Variants in PPP2R2B observed in about 807,000 individuals in gnomAD.
PPP2R2B encodes the protein serine/threonine-protein phosphatase 2A 55 kDa regulatory subunit B beta isoform.
A neutral mutation model predicts 46.0 loss-of-function variants in PPP2R2B; 5 were observed. That is an observed-to-expected ratio of 0.11 (90% confidence interval 0.06 to 0.23). The LOEUF (loss-of-function observed/expected upper bound fraction) is 0.23, where lower values mean the gene tolerates loss of function less well. Ranked by LOEUF, PPP2R2B falls within the 10% of genes least tolerant of loss-of-function variation. PPP2R2B has a pLI of 1.00. For synonymous variants in PPP2R2B, 215 were observed against 206.7 expected (o/e 1.04, Z -0.34); for missense variants, 367 against 575.0 (o/e 0.64, Z 3.70).
At chr5:146,916,872 G>A (rs987349360) in intron 1 of PPP2R2B, among the ~76,000 whole-genome samples, 65 of 152,232 alleles carry the variant, frequency 4.3e-4, no homozygotes, top group African/African-American at 1.6e-3. Flanking sequence ...ATATAGCTCT[G>A]CCTCTTAATA....
intron 2 of PPP2R2B, among the ~76,000 whole-genome samples, chr5:146,876,199 G>C (rs1761888514): frequency 6.6e-6 from 1 of 152,066 alleles, no homozygotes; most frequent in African/African-American, 2.4e-5. Flanking sequence ...TGTGAACCTA[G>C]ATATTCTATC....
At position 146,816,679 on chromosome 5, in the gene PPP2R2B, A is replaced by C. The variant is rs147747404; in HGVS notation, c.70+61323T>G. Among the ~76,000 whole-genome samples the C allele has an allele frequency of 1.0e-3, 157 of 152,312 alleles. No individual in the cohort carries two copies. In the East Asian group the frequency reaches 0.016, roughly 16 times the overall value. Reference sequence around the variant, plus strand: ...TACTTCAATAATCAAATAAAAACACAGGTTTTTTATTAAACATGATTTCAG... The same window carrying C: ...TACTTCAATAATCAAATAAAAACACCGGTTTTTTATTAAACATGATTTCAG... On this transcript the variant is annotated intron_variant, in intron 2 of 9. Coordinates refer to ENST00000394411, the MANE Select transcript of PPP2R2B (RefSeq NM_181675.4).
At chr5:146,794,215 T>C (rs772592961) in intron 2 of PPP2R2B, among the ~76,000 whole-genome samples, 1 of 152,224 alleles carries the variant, frequency 6.6e-6, no homozygotes, top group Non-Finnish European at 1.5e-5. Context: ...TGATACTCTT[T>C]ATGAAGGTCT....
chr5:146,660,673 C>T (rs1459903489), intron 5 of PPP2R2B, among the ~76,000 whole-genome samples: 1 of 152,170 alleles, frequency 6.6e-6, no homozygotes, highest in Non-Finnish European at 1.5e-5. Flanking sequence ...CTTCAACAGC[C>T]TCAATATGTC....
chr5:146,932,804 A>T (rs1204997686), intron 1 of PPP2R2B, among the ~76,000 whole-genome samples: 2 of 152,276 alleles, frequency 1.3e-5, no homozygotes, highest in Non-Finnish European at 2.9e-5. Context: ...AAACAAGGTC[A>T]AAGAGCAGTG....
intron 5 of PPP2R2B, among the ~76,000 whole-genome samples, chr5:146,655,104 A>G (rs1776236121): frequency 6.6e-6 from 1 of 152,078 alleles, no homozygotes; most frequent in African/African-American, 2.4e-5. Context: ...GAATTCAGTG[A>G]TGTCCCCCGA....
chr5:146,973,899 A>G (rs1177513353), intron 1 of PPP2R2B, among the ~76,000 whole-genome samples: 1 of 152,226 alleles, frequency 6.6e-6, no homozygotes, highest in Admixed American at 6.5e-5. Flanking sequence ...TGAGAAGACA[A>G]TATTTGCAAA....
chr5:147,001,653 G>A (rs1052537680), intron 1 of PPP2R2B, among the ~76,000 whole-genome samples: 6 of 152,132 alleles, frequency 3.9e-5, no homozygotes, highest in African/African-American at 7.2e-5. Flanking sequence ...AGGGACCATC[G>A]CCTATCGCCA....
At chr5:146,653,064 A>G (rs1475050300) in intron 5 of PPP2R2B, among the ~76,000 whole-genome samples, 1 of 152,178 alleles carries the variant, frequency 6.6e-6, no homozygotes, top group East Asian at 1.9e-4. Context: ...CTTCATACAT[A>G]ATCTCAGGTA....
At chr5:146,992,210 A>G (rs1473973291) in intron 1 of PPP2R2B, among the ~76,000 whole-genome samples, 3 of 152,210 alleles carry the variant, frequency 2.0e-5, no homozygotes, top group Non-Finnish European at 2.9e-5. Flanking sequence ...AAATGAACAT[A>G]TTCATGTATA....
chr5:146,795,197 C>T (rs761294936), intron 2 of PPP2R2B, among the ~76,000 whole-genome samples: 3 of 151,930 alleles, frequency 2.0e-5, no homozygotes, highest in Non-Finnish European at 2.9e-5. Context: ...GACTATATAT[C>T]CAAAGGAAAT....
intron 2 of PPP2R2B, among the ~76,000 whole-genome samples, chr5:146,793,588 G>C (rs1452163428): frequency 6.6e-6 from 1 of 152,110 alleles, no homozygotes; most frequent in Non-Finnish European, 1.5e-5. Context: ...TCACACAACA[G>C]CTTGGCCAAG....
intron 2 of PPP2R2B, among the ~76,000 whole-genome samples, chr5:146,851,628 A>G (rs946931558): frequency 2.6e-5 from 4 of 152,070 alleles, no homozygotes; most frequent in African/African-American, 9.7e-5. Flanking sequence ...ATGGTTTCCT[A>G]TAAGAATTTA....
At chr5:146,802,755 G>A (rs900087901) in intron 2 of PPP2R2B, among the ~76,000 whole-genome samples, 8 of 152,148 alleles carry the variant, frequency 5.3e-5, no homozygotes, top group Non-Finnish European at 8.8e-5. Flanking sequence ...GATGGGATAA[G>A]TATATAGTGA....
chr5:146,641,747 T>C (rs1423011538), intron 6 of PPP2R2B, among the ~76,000 whole-genome samples: 1 of 152,198 alleles, frequency 6.6e-6, no homozygotes, highest in African/African-American at 2.4e-5. Context: ...TTTCAGCATA[T>C]GTAATTTTGC....
At chr5:146,620,934 A>T (rs6892382) in intron 7 of PPP2R2B, among the ~76,000 whole-genome samples, 7,293 of 152,286 alleles carry the variant, frequency 0.048, 406 homozygotes, top group East Asian at 0.23. Context: ...GCCAGTGCTG[A>T]ACTCCCAAGC....
intron 1 of PPP2R2B, among the ~76,000 whole-genome samples, chr5:146,902,002 A>T (rs1227738310): frequency 5.3e-5 from 8 of 152,176 alleles, no homozygotes; most frequent in Non-Finnish European, 1.0e-4. Context: ...AAATTAGAAG[A>T]CAATTCAAAG....
intron 1 of PPP2R2B, among the ~76,000 whole-genome samples, chr5:147,030,305 T>C (rs1011976870): frequency 1.3e-5 from 2 of 152,176 alleles, no homozygotes; most frequent in Admixed American, 6.5e-5. Context: ...CATGTGAAGA[T>C]ATAAGTTCAT....
intron 2 of PPP2R2B, among the ~76,000 whole-genome samples, chr5:146,809,679 C>T (rs886144891): frequency 4.6e-5 from 7 of 152,072 alleles, no homozygotes; most frequent in African/African-American, 9.7e-5. Flanking sequence ...CCAGATCTTG[C>T]GAGGTGAGTC....
Sources: gnomAD v4.1 joint callset for allele counts (sites outside exome capture counted in the v4.1 genomes callset) on GRCh38, gnomAD v4.1.1 for gene constraint, MANE v1.5 for transcripts, NCBI Gene and HGNC (gene_info 2026-07-23, HGNC 2026-07-21) for gene names.